The following SLC1A3 variants were observed in gnomAD, a reference collection of about 807,000 sequenced individuals.
SLC1A3 encodes the protein excitatory amino acid transporter 1.
SLC1A3 carries 21 observed loss-of-function variants against 48.1 expected under a neutral mutation model. The observed-to-expected ratio is 0.44, with a 90% CI of 0.31 to 0.63. The LOEUF (loss-of-function observed/expected upper bound fraction) is 0.63, where lower values mean the gene tolerates loss of function less well. SLC1A3 is among the 20% of genes least tolerant of loss of function. The probability of loss-of-function intolerance (pLI) is 0.08; values close to 1 mark genes in which losing one functional copy is unlikely to be tolerated. For missense variants in SLC1A3, 546 were observed against 689.0 expected, an observed-to-expected ratio of 0.79 and a Z score of 2.32; for synonymous variants, 239 against 251.4, an observed-to-expected ratio of 0.95 and a Z score of 0.47.
At chr5:36,655,028 C>T (rs1437281027) in intron 3 of SLC1A3, among the ~76,000 whole-genome samples, 1 of 152,170 alleles carries the variant, frequency 6.6e-6, no homozygotes, top group Non-Finnish European at 1.5e-5. Flanking sequence ...CTTTGGCATT[C>T]AGGGCTTGTT....
rs143438887 is a variant in SLC1A3 at position 36,679,637 on chromosome 5, G to A, written c.871G>A (p.Val291Met). 296 of 1,613,068 alleles carry A rather than the reference G, an allele frequency of 1.8e-4. No homozygotes were observed. The highest frequency in any genetic ancestry group is 2.3e-4 in the Non-Finnish European group (276 of 1,179,090). ...LVAVIMWYAP[V>M]GILFLIAGKI... ...GTTGCTTCTCCCCAGGTATGCCCCC[G>A]TGGGTATTCTCTTCCTGATTGCTGG... Residue 291 changes from valine (V) to methionine (M), a missense_variant, in exon 7 of 10, where the codon GTG becomes ATG. Physicochemically the swap from Val to Met is conservative, Grantham distance 21 (BLOSUM62 1). Coordinates refer to ENST00000265113, the MANE Select transcript of SLC1A3 (RefSeq NM_004172.5).
At chr5:36,609,135 G>A (rs1473516619) in intron 2 of SLC1A3, 3 of 985,960 alleles carry the variant, frequency 3.0e-6, no homozygotes, top group African/African-American at 3.5e-5. Flanking sequence ...AGGTAGATTG[G>A]GGAAAATGTT....
At chr5:36,656,881 T>C (rs1041932797) in intron 3 of SLC1A3, among the ~76,000 whole-genome samples, 42 of 152,230 alleles carry the variant, frequency 2.8e-4, no homozygotes, top group African/African-American at 1.0e-3. Context: ...ATCACTGATA[T>C]GTTATTCCAG....
At chr5:36,636,316 G>A (rs1382406210) in intron 3 of SLC1A3, 1 of 152,068 alleles carries the variant, frequency 6.6e-6, no homozygotes, top group Admixed American at 6.6e-5. Context: ...AGTGACATGG[G>A]TAGTATCATC....
At chr5:36,668,030 T>C (rs1395412502) in intron 3 of SLC1A3, 1 of 152,252 alleles carries the variant, frequency 6.6e-6, no homozygotes, top group Non-Finnish European at 1.5e-5. Flanking sequence ...CCAAAGTAAC[T>C]TCCCGTCTCC....
chr5:36,608,748 A>G (rs988257002), intron 2 of SLC1A3, 144 bp downstream of exon 2: 10 of 1,470,010 alleles, frequency 6.8e-6, no homozygotes, highest in African/African-American at 2.8e-5. Flanking sequence ...ATTTTTCTCC[A>G]TAAAAATGAC....
At chr5:36,607,791 A>G (rs1020094201) in intron 1 of SLC1A3, among the ~76,000 whole-genome samples, 32 of 152,202 alleles carry the variant, frequency 2.1e-4, no homozygotes, top group African/African-American at 7.2e-4. Flanking sequence ...CATATTTACT[A>G]GTAGATATTA....
chr5:36,608,747 C>T (rs1739071548), intron 2 of SLC1A3, 143 bp downstream of exon 2: 2 of 1,470,202 alleles, frequency 1.4e-6, no homozygotes, highest in East Asian at 4.8e-5. Flanking sequence ...GATTTTTCTC[C>T]ATAAAAATGA....
At chr5:36,619,291 A>G (rs1165224917) in intron 2 of SLC1A3, among the ~76,000 whole-genome samples, 1 of 152,244 alleles carries the variant, frequency 6.6e-6, no homozygotes, top group Non-Finnish European at 1.5e-5. Context: ...ACCAGGGACC[A>G]GCAGAACTCT....
intron 3 of SLC1A3, among the ~76,000 whole-genome samples, chr5:36,658,278 G>C (rs532660363): frequency 1.3e-5 from 2 of 152,248 alleles, no homozygotes; most frequent in Admixed American, 1.3e-4. Flanking sequence ...AAAACCCAAG[G>C]CATGTCTAGG....
chr5:36,636,871 C>T (rs1313296737), intron 3 of SLC1A3, among the ~76,000 whole-genome samples: 1 of 152,104 alleles, frequency 6.6e-6, no homozygotes, highest in Non-Finnish European at 1.5e-5. Context: ...GCAGGAATCC[C>T]CTCTCCAGCC....
chr5:36,614,242 C>T (rs1739335880), intron 2 of SLC1A3, among the ~76,000 whole-genome samples: 1 of 152,176 alleles, frequency 6.6e-6, no homozygotes, highest in Non-Finnish European at 1.5e-5. Context: ...TTGTAAACCC[C>T]ACATCTTTTA....
chr5:36,683,021 C>T (rs1319349191), intron 8 of SLC1A3, among the ~76,000 whole-genome samples: 1 of 152,192 alleles, frequency 6.6e-6, no homozygotes. Context: ...AAAAGTATTT[C>T]TAATACTATA....
intron 3 of SLC1A3, among the ~76,000 whole-genome samples, chr5:36,661,399 G>A (rs774833498): frequency 4.6e-5 from 7 of 152,218 alleles, no homozygotes; most frequent in Non-Finnish European, 8.8e-5. Flanking sequence ...GCAACAGAGC[G>A]AGACTCCGTC....
chr5:36,659,509 A>T (rs1291400883), intron 3 of SLC1A3, among the ~76,000 whole-genome samples: 1 of 152,216 alleles, frequency 6.6e-6, no homozygotes, highest in African/African-American at 2.4e-5. Context: ...TCTCAAAAAC[A>T]TCCATTTGCC....
Position 36,686,460 on chromosome 5 carries a change from C to T in SLC1A3, c.*191C>T. The T allele has an allele frequency of 1.7e-6, 1 of 603,512 alleles. No homozygotes were observed. The highest frequency in any genetic ancestry group is 2.9e-6 in the Non-Finnish European group (1 of 339,734). The allele number at this position is 603,512 out of a possible 1,614,324, so 37.4% of individuals were successfully genotyped here. ...TGGCCAAAGTGTACAATTTTCATCC[C>T]ACAATTGAAATTTTTAAATCATTTC... On this transcript the variant is annotated 3_prime_UTR_variant, in exon 10 of 10. Coordinates refer to ENST00000265113, the MANE Select transcript of SLC1A3 (RefSeq NM_004172.5).
intron 2 of SLC1A3, among the ~76,000 whole-genome samples, chr5:36,614,026 A>G (rs948162539): frequency 6.6e-6 from 1 of 152,166 alleles, no homozygotes; most frequent in African/African-American, 2.4e-5. Flanking sequence ...CCAGTAAGGT[A>G]TAGTGGAGAT....
At chr5:36,676,489 C>T (rs568715874) in intron 5 of SLC1A3, among the ~76,000 whole-genome samples, 2 of 152,244 alleles carry the variant, frequency 1.3e-5, no homozygotes, top group African/African-American at 4.8e-5. Flanking sequence ...AAGAAAAGGA[C>T]TATTGTGAAT....
Position 36,671,009 on chromosome 5 carries a change from C to T in SLC1A3, c.320-20C>T. 2 of 1,610,720 alleles carry T rather than the reference C, an allele frequency of 1.2e-6. No homozygotes were observed. Among genetic ancestry groups the T allele is most frequent in the South Asian group, 2.2e-5 (2 of 91,020 alleles). ...TTCCCTGGACTGACTTCCTGAAAAT[C>T]TTCTGTTTGCCTCCACCAGGAATGG... On this transcript the variant is annotated intron_variant, in intron 3 of 9. Transcript: ENST00000265113.
Sources: allele counts gnomAD v4.1 joint callset (sites outside exome capture counted in the v4.1 genomes callset), GRCh38; gene constraint gnomAD v4.1.1; transcripts MANE v1.5; gene names NCBI Gene and HGNC (gene_info 2026-07-23, HGNC 2026-07-21).